The following MTFR1 variants were observed in gnomAD, a reference collection of about 807,000 sequenced individuals.
The protein encoded by MTFR1 is mitochondrial fission regulator 1, also known as chondrocyte protein with a poly-proline region.
Under a neutral mutation model 38.8 loss-of-function variants are expected in MTFR1, and 28 were observed. The ratio of observed to expected loss-of-function variants is 0.72; its 90% CI spans 0.53 to 0.99. The LOEUF is 0.99. Ranked by LOEUF, MTFR1 falls within the 50% of genes least tolerant of loss-of-function variation. The probability of loss-of-function intolerance (pLI) is 0.00; values close to 1 mark genes in which losing one functional copy is unlikely to be tolerated. For synonymous variants in MTFR1, 145 were observed against 137.0 expected, an observed-to-expected ratio of 1.06 and a Z score of -0.41; for missense variants, 358 against 395.5, an observed-to-expected ratio of 0.91 and a Z score of 0.81.
chr8:65,707,737 G>A, intron 6 of MTFR1, 106 bp from the exon 7 acceptor site: 1 of 1,369,576 alleles, frequency 7.3e-7, no homozygotes, highest in Non-Finnish European at 9.9e-7. Context: ...CTATGGAGTA[G>A]CTATGATGCT....
At chr8:65,704,565 A>T (rs560216803) in intron 4 of MTFR1, 129 bp from the exon 5 acceptor site, 1 of 690,718 alleles carries the variant, frequency 1.4e-6, no homozygotes, top group Non-Finnish European at 2.5e-6. Context: ...TCCTTACACG[A>T]AGGGACTTAT....
intron 2 of MTFR1, among the ~76,000 whole-genome samples, chr8:65,715,668 A>G (rs1434473675): frequency 2.1e-5 from 3 of 143,778 alleles, no homozygotes; most frequent in East Asian, 2.5e-4. Context: ...GTGAGCCACC[A>G]TGCCCGGCCA....
intron 3 of MTFR1, among the ~76,000 whole-genome samples, chr8:65,692,151 GGATT>G (rs1357897024): frequency 1.3e-5 from 2 of 151,852 alleles, no homozygotes; most frequent in African/African-American, 4.8e-5. Context: ...TAAAAAGTGT[GGATT>G]GATTATTTTT....
intron 1 of MTFR1, among the ~76,000 whole-genome samples, chr8:65,649,523 GTA>G (rs1423804176): frequency 8.6e-5 from 13 of 152,008 alleles, no homozygotes. Context: ...TACATAATAG[GTA>G]TATGTATTTA....
chr8:65,696,660 C>CT (rs904836773), intron 4 of MTFR1, among the ~76,000 whole-genome samples: 25 of 150,052 alleles, frequency 1.7e-4, no homozygotes, highest in Non-Finnish European at 3.3e-4. Context: ...TAATATGTAA[C>CT]TTTTTTTTTT....
In MTFR1 at chr8:65,710,547, T is replaced by C. The variant is rs1443130047; in HGVS notation, c.*1503T>C. ...GTTTTAAAATAAAGCAAACTAACTGTTTTATTTTCCTTGGACCATAGTGCT... is the reference window on the plus strand; with the variant it reads ...GTTTTAAAATAAAGCAAACTAACTGCTTTATTTTCCTTGGACCATAGTGCT... On this transcript the variant is annotated 3_prime_UTR_variant, in exon 8 of 8. Transcript: ENST00000262146. The C allele has an allele frequency of 6.6e-6, 1 of 152,250 alleles. No homozygotes were observed. Among genetic ancestry groups the C allele is most frequent in the Non-Finnish European group, 1.5e-5 (1 of 67,932 alleles). The allele number at this position is 152,250 out of a possible 1,614,324, so 9.4% of individuals were successfully genotyped here.
At chr8:65,652,408 G>GT (rs1013334228) in intron 1 of MTFR1, among the ~76,000 whole-genome samples, 9 of 151,732 alleles carry the variant, frequency 5.9e-5, no homozygotes, top group Middle Eastern at 3.2e-3. Context: ...TTAATTTTTT[G>GT]TTTTTTTGTA....
chr8:65,670,568 A>G (rs539034490), intron 2 of MTFR1, among the ~76,000 whole-genome samples: 2 of 152,202 alleles, frequency 1.3e-5, no homozygotes, highest in Non-Finnish European at 2.9e-5. Flanking sequence ...AAATTATTAG[A>G]GCAAGTATTG....
chr8:65,712,634 C>T (rs1476878226), downstream of MTFR1, among the ~76,000 whole-genome samples: 4 of 152,200 alleles, frequency 2.6e-5, no homozygotes, highest in Non-Finnish European at 4.4e-5. Context: ...GGGAGCCACT[C>T]AGAAGATTAG....
intron 3 of MTFR1, chr8:65,745,534 T>C (rs773586576): frequency 1.4e-4 from 128 of 888,288 alleles, no homozygotes; most frequent in Non-Finnish European, 2.2e-4. Flanking sequence ...TTTGGAGATA[T>C]TCCATAGAGA....
intron 1 of MTFR1, among the ~76,000 whole-genome samples, chr8:65,660,181 C>G (rs1206782840): frequency 6.6e-6 from 1 of 150,548 alleles, no homozygotes; most frequent in Non-Finnish European, 1.5e-5. Flanking sequence ...ATCCCAGCTA[C>G]TTGGGAGGCT....
At chr8:65,647,469 G>T (rs936909319) in intron 1 of MTFR1, among the ~76,000 whole-genome samples, 1 of 152,100 alleles carries the variant, frequency 6.6e-6, no homozygotes, top group African/African-American at 2.4e-5. Context: ...AGGCCACCAC[G>T]CCCAGCTAAT....
At chr8:65,724,488 T>A in intron 3 of MTFR1, 1 of 607,716 alleles carries the variant, frequency 1.6e-6, no homozygotes, top group South Asian at 2.5e-5. Context: ...TTTTTAGATG[T>A]AAGAATTTAT....
intron 3 of MTFR1, chr8:65,731,748 G>C (rs958413717): frequency 1.3e-5 from 2 of 151,932 alleles, no homozygotes; most frequent in South Asian, 4.2e-4. Flanking sequence ...TTTCCACATA[G>C]ACAAGAGTCC....
chr8:65,766,525 T>C (rs1808792993), intron 3 of MTFR1, among the ~76,000 whole-genome samples: 1 of 152,168 alleles, frequency 6.6e-6, no homozygotes, highest in Non-Finnish European at 1.5e-5. Context: ...AAATGATGCT[T>C]AGGAGCAAGG....
intron 1 of MTFR1, among the ~76,000 whole-genome samples, chr8:65,651,968 T>C (rs1420407487): frequency 6.6e-6 from 1 of 152,026 alleles, no homozygotes; most frequent in Non-Finnish European, 1.5e-5. Context: ...CTTTAATTTT[T>C]TTTTTTTTCA....
chr8:65,702,096 C>A (rs1308159167), intron 4 of MTFR1, among the ~76,000 whole-genome samples: 1 of 152,020 alleles, frequency 6.6e-6, no homozygotes, highest in Non-Finnish European at 1.5e-5. Context: ...TTGAACAGAG[C>A]CTAAAACAGC....
At chr8:65,648,464 A>G (rs1809027270) in intron 1 of MTFR1, among the ~76,000 whole-genome samples, 1 of 152,172 alleles carries the variant, frequency 6.6e-6, no homozygotes, top group African/African-American at 2.4e-5. Flanking sequence ...CAGCTGGGAG[A>G]GCACTCAGGG....
intron 3 of MTFR1, among the ~76,000 whole-genome samples, chr8:65,691,895 A>G (rs571074303): frequency 2.1e-4 from 32 of 152,354 alleles, no homozygotes; most frequent in Admixed American, 1.9e-3. Flanking sequence ...AACAACTGAT[A>G]TGTTTAAAGT....
Sources: gnomAD v4.1 joint callset for allele counts (sites outside exome capture counted in the v4.1 genomes callset) on GRCh38, gnomAD v4.1.1 for gene constraint, MANE v1.5 for transcripts, NCBI Gene and HGNC (gene_info 2026-07-23, HGNC 2026-07-21) for gene names.